Variants in XPNPEP3 observed in about 807,000 individuals in gnomAD.
XPNPEP3 encodes the protein xaa-Pro aminopeptidase 3.
A neutral mutation model predicts 60.0 loss-of-function variants in XPNPEP3; 41 were observed. The ratio of observed to expected loss-of-function variants is 0.68; its 90% CI spans 0.53 to 0.89. The LOEUF (loss-of-function observed/expected upper bound fraction) is 0.89. Among genes scored for constraint, XPNPEP3 ranks in the 40% least tolerant of loss-of-function variants. The pLI, the probability that XPNPEP3 is intolerant of heterozygous loss-of-function variation, is 0.00. For synonymous variants in XPNPEP3, 212 were observed against 223.2 expected (o/e 0.95, Z 0.45); for missense variants, 598 against 638.9 (o/e 0.94, Z 0.69).
chr22:40,883,467 T>G (rs1188445849), intron 3 of XPNPEP3, among the ~76,000 whole-genome samples: 1 of 152,108 alleles, frequency 6.6e-6, no homozygotes, highest in African/African-American at 2.4e-5. Context: ...TCAAGCAGTC[T>G]TCCTGCCTCA....
chr22:40,894,205 G>A (rs1299265886), intron 4 of XPNPEP3, among the ~76,000 whole-genome samples: 1 of 152,072 alleles, frequency 6.6e-6, no homozygotes, highest in Non-Finnish European at 1.5e-5. Context: ...TCTTAAGAAA[G>A]GGGATTTCAT....
intron 1 of XPNPEP3, chr22:40,859,999 AG>A (rs753595034): frequency 2.0e-5 from 3 of 152,220 alleles, no homozygotes; most frequent in African/African-American, 2.4e-5. Context: ...TGAGGAATTC[AG>A]GATAAGACTG....
intron 3 of XPNPEP3, among the ~76,000 whole-genome samples, chr22:40,885,456 A>G (rs2058065075): frequency 6.6e-6 from 1 of 152,234 alleles, no homozygotes; most frequent in African/African-American, 2.4e-5. Context: ...AATGTATAGC[A>G]GATGCAAAGG....
intron 1 of XPNPEP3, among the ~76,000 whole-genome samples, chr22:40,857,906 A>G (rs1394999990): frequency 1.3e-5 from 2 of 152,192 alleles, no homozygotes; most frequent in African/African-American, 4.8e-5. Flanking sequence ...AACGTATGGT[A>G]TTTGACATCA....
intron 7 of XPNPEP3, chr22:40,917,718 C>T (rs2058201177): frequency 6.6e-6 from 1 of 151,958 alleles, no homozygotes; most frequent in Admixed American, 6.6e-5. Context: ...TGGCAAAACC[C>T]AATCTCTACA....
intron 3 of XPNPEP3, among the ~76,000 whole-genome samples, chr22:40,882,481 A>G (rs889986024): frequency 2.0e-5 from 3 of 152,150 alleles, no homozygotes; most frequent in Non-Finnish European, 4.4e-5. Context: ...TACTAAAAAT[A>G]GAAAAATTAG....
intron 2 of XPNPEP3, among the ~76,000 whole-genome samples, chr22:40,874,634 C>T (rs1034650957): frequency 2.0e-5 from 3 of 152,080 alleles, no homozygotes; most frequent in Non-Finnish European, 2.9e-5. Context: ...CTATGTTGCC[C>T]AGGCTGGTCT....
intron 4 of XPNPEP3, among the ~76,000 whole-genome samples, chr22:40,894,420 G>T (rs1268636427): frequency 6.6e-6 from 1 of 151,994 alleles, no homozygotes; most frequent in African/African-American, 2.4e-5. Flanking sequence ...AACATATTTT[G>T]ATATACGTAT....
rs1424488260 is a variant in XPNPEP3 at position 40,895,664 on chromosome 22, CT to C, written c.792+9153del. Reference sequence around the variant, plus strand: ...CTTTTTTAAATTAAAAAATTTATAACTTTTAAAAAAAATTGAATTATAGACT... The same window carrying C: ...CTTTTTTAAATTAAAAAATTTATAACTTTAAAAAAAATTGAATTATAGACT... On this transcript the variant is annotated intron_variant, in intron 4 of 9. Transcript: ENST00000357137. Among the ~76,000 whole-genome samples, 5 of 152,044 alleles carry C rather than the reference CT, an allele frequency of 3.3e-5. 1 individual carries two copies. Among genetic ancestry groups the C allele is most frequent in the African/African-American group, 1.2e-4 (5 of 41,394 alleles).
intron 2 of XPNPEP3, among the ~76,000 whole-genome samples, chr22:40,869,451 A>C (rs543610344): frequency 3.3e-4 from 51 of 152,342 alleles, no homozygotes; most frequent in African/African-American, 1.2e-3. Context: ...TTTAAAGCAA[A>C]GTTCTATTTC....
chr22:40,909,768 G>A (rs1171178752), intron 6 of XPNPEP3, among the ~76,000 whole-genome samples: 1 of 151,616 alleles, frequency 6.6e-6, no homozygotes, highest in African/African-American at 2.4e-5. Context: ...GCAAGACTCT[G>A]TCTCTAAATA....
chr22:40,883,910 G>A (rs890650753), intron 3 of XPNPEP3, among the ~76,000 whole-genome samples: 1 of 152,092 alleles, frequency 6.6e-6, no homozygotes, highest in African/African-American at 2.4e-5. Flanking sequence ...TCAAGATAAT[G>A]TATAATTATA....
At chr22:40,861,075 C>G in intron 1 of XPNPEP3, 1 of 1,586,322 alleles carries the variant, frequency 6.3e-7, no homozygotes. Flanking sequence ...TTAACAATTC[C>G]TTTTGGTAGA....
chr22:40,867,042 A>G (rs771401452), intron 1 of XPNPEP3, among the ~76,000 whole-genome samples: 6 of 152,230 alleles, frequency 3.9e-5, no homozygotes, highest in Admixed American at 6.5e-5. Flanking sequence ...GAAATCACCA[A>G]TGCAACAGCA....
In XPNPEP3 at chr22:40,886,305, A is replaced by G. The variant is rs143719656; in HGVS notation, c.590-8A>G. 3,265 of 1,613,842 alleles carry G rather than the reference A, an allele frequency of 2.0e-3. 10 individuals are homozygous for G. Among genetic ancestry groups the G allele is most frequent in the Non-Finnish European group, 2.5e-3 (2,919 of 1,179,984 alleles). ...TTTTAAATTTATTTTTCGGCTTCTC[A>G]TTCTAAGCTGAGACGAACATGGTTT... is the stretch of plus-strand genomic sequence containing the variant. On this transcript the variant is annotated splice_region_variant and splice_polypyrimidine_tract_variant and intron_variant, in intron 3 of 9. Coordinates refer to ENST00000357137, the MANE Select transcript of XPNPEP3 (RefSeq NM_022098.4).
intron 3 of XPNPEP3, among the ~76,000 whole-genome samples, chr22:40,883,837 T>A (rs1327597100): frequency 2.0e-5 from 3 of 152,196 alleles, no homozygotes; most frequent in Non-Finnish European, 4.4e-5. Context: ...AGTATTTTAT[T>A]TTTTGAAGTA....
At chr22:40,919,468 GATCCTCAC>G (rs1314177365) in intron 7 of XPNPEP3, among the ~76,000 whole-genome samples, 1 of 151,966 alleles carries the variant, frequency 6.6e-6, no homozygotes, top group Non-Finnish European at 1.5e-5. Context: ...GGCAGAGAGC[GATCCTCAC>G]ATCTCAACCT....
At chr22:40,872,394 C>G (rs1447678565) in intron 2 of XPNPEP3, among the ~76,000 whole-genome samples, 1 of 151,838 alleles carries the variant, frequency 6.6e-6, no homozygotes, top group Non-Finnish European at 1.5e-5. Flanking sequence ...ACACTTGACA[C>G]TCAGACATGA....
chr22:40,865,509 G>A (rs1001239531), intron 1 of XPNPEP3, among the ~76,000 whole-genome samples: 25 of 151,620 alleles, frequency 1.6e-4, no homozygotes, highest in Admixed American at 1.6e-3. Flanking sequence ...TGTATTTTTA[G>A]TAGAGACAGG....
Sources: allele counts gnomAD v4.1 joint callset (sites outside exome capture counted in the v4.1 genomes callset), GRCh38; gene constraint gnomAD v4.1.1; transcripts MANE v1.5; gene names NCBI Gene and HGNC (gene_info 2026-07-23, HGNC 2026-07-21).